ADAMTSL3: variants seen among roughly 807,000 people sequenced by gnomAD.
ADAMTSL3 encodes ADAMTS-like protein 3.
ADAMTSL3 carries 128 observed loss-of-function variants against 201.7 expected under a neutral mutation model. That is an observed-to-expected ratio of 0.63 (90% CI 0.55 to 0.73). ADAMTSL3 has a LOEUF of 0.73. Among genes scored for constraint, ADAMTSL3 ranks in the 30% least tolerant of loss-of-function variants. The probability of loss-of-function intolerance (pLI) is 0.00; values close to 1 mark genes in which losing one functional copy is unlikely to be tolerated. For missense variants in ADAMTSL3, 1,990 were observed against 2,119.6 expected (o/e 0.94, Z 1.20); for synonymous variants, 738 against 748.4 (o/e 0.99, Z 0.23).
intron 3 of ADAMTSL3, among the ~76,000 whole-genome samples, chr15:83,756,733 A>G (rs1261094278): frequency 1.3e-5 from 2 of 152,118 alleles, no homozygotes; most frequent in African/African-American, 4.8e-5. Flanking sequence ...AAGGCAAGTC[A>G]CTTCTGCCTA....
rs760764192 is a variant in ADAMTSL3, at chr15:83,942,907, C to T, written c.2315C>T (p.Ser772Phe). The T allele has an allele frequency of 5.0e-6, 8 of 1,611,670 alleles. No homozygotes were observed. The highest frequency in any genetic ancestry group is 5.9e-6 in the Non-Finnish European group (7 of 1,178,816). The change falls in exon 19 of 30, where the codon TCC becomes TTC. Residue 772 changes from serine (S) to phenylalanine (F), a missense_variant. By Grantham distance (155) the Ser-to-Phe change is radical. Coordinates refer to ENST00000286744, the MANE Select transcript of ADAMTSL3 (RefSeq NM_207517.3). The stretch of plus-strand genomic sequence containing the variant: ...CACCCCCTCTTGTCTTCTTAGTGTT[C>T]CAGGACTTGTGGCGGGGGAACTCAG... ...GWHIEEWQQC[S>F]RTCGGGTQNR...
intron 19 of ADAMTSL3, among the ~76,000 whole-genome samples, chr15:83,946,203 A>T (rs1267776857): frequency 6.6e-6 from 1 of 152,226 alleles, no homozygotes; most frequent in Non-Finnish European, 1.5e-5. Flanking sequence ...AACGGTTGTC[A>T]CTGGTGTCTT....
At position 83,925,840 on chromosome 15, in the gene ADAMTSL3, C is replaced by T. The variant is rs147701370; in HGVS notation, c.2117+1807C>T. 1.1e-4 allele frequency among the ~76,000 whole-genome samples: 17 copies of T among 152,316 alleles called. No individual in the cohort carries two copies. In the East Asian group the frequency reaches 3.3e-3, roughly 29 times the overall value. On this transcript the variant is annotated intron_variant, in intron 17 of 29. Transcript: ENST00000286744. Reference sequence around the variant, plus strand: ...CTGGGGTTTCTGTTTTCCTCCCCTGCTACATCCCTTCCCTGAGGCAGTGAA... The same window carrying T: ...CTGGGGTTTCTGTTTTCCTCCCCTGTTACATCCCTTCCCTGAGGCAGTGAA...
chr15:83,910,000 T>C (rs2065903927), intron 15 of ADAMTSL3, among the ~76,000 whole-genome samples: 1 of 152,208 alleles, frequency 6.6e-6, no homozygotes, highest in African/African-American at 2.4e-5. Flanking sequence ...AAGTTTTCTT[T>C]GCAGCTTCTC....
chr15:84,035,961 A>G (rs1395293598), intron 28 of ADAMTSL3, among the ~76,000 whole-genome samples: 2 of 152,156 alleles, frequency 1.3e-5, no homozygotes, highest in Non-Finnish European at 2.9e-5. Flanking sequence ...TCAGGTTTGC[A>G]TGCCTGGTTC....
intron 6 of ADAMTSL3, among the ~76,000 whole-genome samples, chr15:83,826,136 T>C (rs1249195796): frequency 6.6e-6 from 1 of 152,076 alleles, no homozygotes; most frequent in Non-Finnish European, 1.5e-5. Context: ...GACAGGGTCT[T>C]GCTTTGTTGT....
At chr15:83,715,414 A>T (rs1239488967) in intron 3 of ADAMTSL3, among the ~76,000 whole-genome samples, 1 of 152,200 alleles carries the variant, frequency 6.6e-6, no homozygotes, top group African/African-American at 2.4e-5. Flanking sequence ...TAACATATAT[A>T]ACATACACCT....
At chr15:84,023,609 A>T (rs940651568) in intron 26 of ADAMTSL3, among the ~76,000 whole-genome samples, 2 of 152,232 alleles carry the variant, frequency 1.3e-5, no homozygotes, top group African/African-American at 4.8e-5. Context: ...AACTTGGAGT[A>T]ACCTGATTGA....
chr15:83,939,094 C>T (rs1210359550), intron 17 of ADAMTSL3, among the ~76,000 whole-genome samples: 2 of 152,082 alleles, frequency 1.3e-5, no homozygotes, highest in Non-Finnish European at 2.9e-5. Context: ...ATTGATTTTC[C>T]AAGGTTGAAC....
chr15:83,987,892 A>C (rs1232800981), intron 21 of ADAMTSL3, among the ~76,000 whole-genome samples: 2 of 152,180 alleles, frequency 1.3e-5, no homozygotes. Flanking sequence ...TAAACCACTG[A>C]TCCGGGTGAT....
chr15:83,824,003 C>A (rs1194440112), intron 6 of ADAMTSL3, among the ~76,000 whole-genome samples: 1 of 146,806 alleles, frequency 6.8e-6, no homozygotes, highest in East Asian at 2.0e-4. Flanking sequence ...TCTCCTTCTT[C>A]TTCCTCTTCT....
chr15:83,807,485 T>C (rs2063618931), intron 5 of ADAMTSL3, among the ~76,000 whole-genome samples: 1 of 151,930 alleles, frequency 6.6e-6, no homozygotes, highest in African/African-American at 2.4e-5. Flanking sequence ...AGTAATGAAA[T>C]AAAGAGGGTG....
chr15:83,749,998 T>C (rs2062612746), intron 3 of ADAMTSL3, among the ~76,000 whole-genome samples: 1 of 152,212 alleles, frequency 6.6e-6, no homozygotes, highest in African/African-American at 2.4e-5. Context: ...TGCGTGCTCA[T>C]TGAAAGATGT....
chr15:83,885,006 T>A, intron 9 of ADAMTSL3, 95 bp from the exon 10 acceptor site: 1 of 755,806 alleles, frequency 1.3e-6, no homozygotes. Flanking sequence ...TGGGTGGTTG[T>A]CTACATACAT....
At chr15:83,754,630 T>C (rs1596145147) in intron 3 of ADAMTSL3, among the ~76,000 whole-genome samples, 1 of 152,318 alleles carries the variant, frequency 6.6e-6, no homozygotes, top group East Asian at 1.9e-4. Flanking sequence ...TCTAAGCATT[T>C]TCATACACAT....
At chr15:83,777,089 C>G (rs2063088352) in intron 4 of ADAMTSL3, among the ~76,000 whole-genome samples, 1 of 152,120 alleles carries the variant, frequency 6.6e-6, no homozygotes, top group Non-Finnish European at 1.5e-5. Flanking sequence ...GTGGGGCACA[C>G]AGAAGGCACT....
At chr15:83,979,469 T>C (rs1262268703) in intron 20 of ADAMTSL3, among the ~76,000 whole-genome samples, 1 of 152,172 alleles carries the variant, frequency 6.6e-6, no homozygotes, top group African/African-American at 2.4e-5. Context: ...TAACATGCAA[T>C]CCAATTAGTA....
At position 83,983,265 on chromosome 15, in the gene ADAMTSL3, A is replaced by G. The variant is rs756746935; in HGVS notation, c.3637A>G (p.Ile1213Val). ...YITKRTEVIN[I>V]LCDLITPSEA... is the part of the protein sequence containing the mutation. The stretch of plus-strand genomic sequence containing the variant: ...TACAAAAAGGACAGAGGTCATCAAT[A>G]TACTGTGTGACCTTATTACCCCCAG... The change falls in exon 21 of 30, where the codon ATA (isoleucine) becomes GTA (valine). Residue 1213 changes from isoleucine (I) to valine (V), a missense_variant. Ile to Val is a conservative substitution (Grantham distance 29). Coordinates refer to ENST00000286744, the MANE Select transcript of ADAMTSL3 (RefSeq NM_207517.3). The G allele has an allele frequency of 2.5e-6, 4 of 1,611,332 alleles. No homozygotes were observed. The South Asian group carries it at 3.3e-5, about 13-fold the overall frequency.
chr15:83,966,153 G>A (rs1367765435), intron 19 of ADAMTSL3, among the ~76,000 whole-genome samples: 1 of 152,046 alleles, frequency 6.6e-6, no homozygotes, highest in Non-Finnish European at 1.5e-5. Flanking sequence ...AAATTCAAAA[G>A]CTAGCAGAAG....
Sources: gnomAD v4.1 joint callset for allele counts (sites outside exome capture counted in the v4.1 genomes callset) on GRCh38, gnomAD v4.1.1 for gene constraint, MANE v1.5 for transcripts, NCBI Gene and HGNC (gene_info 2026-07-23, HGNC 2026-07-21) for gene names.